Variants in WASL observed in about 807,000 individuals in gnomAD.
The protein encoded by WASL is WASP like actin nucleation promoting factor, also known as actin nucleation-promoting factor WASL.
Under a neutral mutation model 55.5 loss-of-function variants are expected in WASL, and 20 were observed. That is an observed-to-expected ratio of 0.36 (90% CI 0.25 to 0.52). The LOEUF (loss-of-function observed/expected upper bound fraction) is 0.52, where lower values mean the gene tolerates loss of function less well. Among genes scored for constraint, WASL ranks in the 20% least tolerant of loss-of-function variants. The pLI, the probability that WASL is intolerant of heterozygous loss-of-function variation, is 0.92. For missense variants in WASL, 504 were observed against 622.5 expected (o/e 0.81, Z 2.03); for synonymous variants, 249 against 217.6 (o/e 1.14, Z -1.27).
intron 5 of WASL, among the ~76,000 whole-genome samples, chr7:123,698,006 A>C (rs1008615601): frequency 6.6e-6 from 1 of 151,822 alleles, no homozygotes; most frequent in African/African-American, 2.4e-5. Context: ...TGGAGGAATT[A>C]GGTGCAACCT....
At chr7:123,716,994 T>C (rs912375267) in intron 1 of WASL, among the ~76,000 whole-genome samples, 9 of 152,176 alleles carry the variant, frequency 5.9e-5, no homozygotes, top group African/African-American at 2.2e-4. Context: ...CAGTGATTCA[T>C]CCCAATCCTA....
intron 1 of WASL, among the ~76,000 whole-genome samples, chr7:123,732,782 A>G (rs1804161558): frequency 6.6e-6 from 1 of 152,206 alleles, no homozygotes; most frequent in Admixed American, 6.5e-5. Flanking sequence ...AAGATGGAAA[A>G]AAAATCAACA....
intron 1 of WASL, among the ~76,000 whole-genome samples, chr7:123,743,158 G>A (rs1804373908): frequency 6.6e-6 from 1 of 152,064 alleles, no homozygotes; most frequent in South Asian, 2.1e-4. Context: ...CCAGCATGGT[G>A]AAACCCTGTC....
chr7:123,696,484 C>T (rs948600116), intron 6 of WASL, 95 bp downstream of exon 6: 18 of 1,298,016 alleles, frequency 1.4e-5, no homozygotes, highest in African/African-American at 1.4e-4. Flanking sequence ...CACACCCTCC[C>T]GAAAAGAGAA....
Position 123,694,405 on chromosome 7 carries a change from T to A in WASL, c.826+310A>T, listed in dbSNP as rs191057816. 1.1e-3 allele frequency among the ~76,000 whole-genome samples: 174 copies of A among 152,312 alleles called. 1 individual carries two copies. The highest frequency in any genetic ancestry group is 1.8e-3 in the Non-Finnish European group (125 of 68,004). On this transcript the variant is annotated intron_variant, in intron 8 of 10. Transcript: ENST00000223023. The stretch of plus-strand genomic sequence containing the variant: ...TTAAATTATTACTTCTGAATTACAA[T>A]AAAATCTGGTGGTTTATAGGATTCC...
chr7:123,698,088 T>G (rs1342866305), intron 5 of WASL, among the ~76,000 whole-genome samples: 1 of 152,066 alleles, frequency 6.6e-6, no homozygotes, highest in Non-Finnish European at 1.5e-5. Context: ...TCATCCCATG[T>G]GTCTTTCCCT....
Position 123,748,815 on chromosome 7 carries a change from G to C in WASL, c.-81C>G. ...AGCTCGTTCCCCCTCTCGGTGACAG[G>C]GGCGGGGAGAAGTGGAGTCAGAGGC... On this transcript the variant is annotated 5_prime_UTR_variant, in exon 1 of 11. Coordinates refer to ENST00000223023, the MANE Select transcript of WASL (RefSeq NM_003941.4). The C allele has an allele frequency of 8.0e-7, 1 of 1,244,752 alleles. No individual in the cohort carries two copies. Among genetic ancestry groups the C allele is most frequent in the Non-Finnish European group, 1.1e-6 (1 of 920,808 alleles). The allele number at this position is 1,244,752 out of a possible 1,614,324, so 77.1% of individuals were successfully genotyped here.
At position 123,726,929 on chromosome 7, in the gene WASL, T is replaced by A. The variant is rs1284094036; in HGVS notation, c.118-17706A>T. Among the ~76,000 whole-genome samples, 4 of 152,098 alleles carry A rather than the reference T, an allele frequency of 2.6e-5. No individual in the cohort carries two copies. The East Asian group carries it at 7.7e-4, about 29-fold the overall frequency. ...TGGGAGAAAATATCTGAAGTACGTA[T>A]CTCTAACAATAATCTTGTGTCCAGA... On this transcript the variant is annotated intron_variant, in intron 1 of 10. Coordinates refer to ENST00000223023, the MANE Select transcript of WASL (RefSeq NM_003941.4).
chr7:123,722,639 G>A (rs1164428048), intron 1 of WASL, among the ~76,000 whole-genome samples: 1 of 151,998 alleles, frequency 6.6e-6, no homozygotes, highest in Non-Finnish European at 1.5e-5. Flanking sequence ...CCAACATGGC[G>A]AAACCCCACG....
At chr7:123,740,512 A>G (rs1584875629) in intron 1 of WASL, among the ~76,000 whole-genome samples, 2 of 152,288 alleles carry the variant, frequency 1.3e-5, no homozygotes, top group East Asian at 3.9e-4. Context: ...AATGTCTCCT[A>G]ATTACTAAAT....
At chr7:123,718,004 T>C (rs1419077108) in intron 1 of WASL, among the ~76,000 whole-genome samples, 1 of 152,122 alleles carries the variant, frequency 6.6e-6, no homozygotes, top group African/African-American at 2.4e-5. Flanking sequence ...CTATATAAAA[T>C]ATAAAACTGT....
intron 3 of WASL, 104 bp downstream of exon 3, chr7:123,706,636 G>A (rs1359708594): frequency 2.1e-6 from 2 of 956,788 alleles, no homozygotes; most frequent in East Asian, 2.7e-5. Context: ...AAATAAAATA[G>A]CAAATTGAAT....
At chr7:123,735,096 G>A (rs1804203591) in intron 1 of WASL, among the ~76,000 whole-genome samples, 1 of 145,260 alleles carries the variant, frequency 6.9e-6, no homozygotes, top group South Asian at 2.2e-4. Flanking sequence ...AAAGAGTAGA[G>A]TGACTACAAT....
chr7:123,693,135 T>C (rs979625063), intron 8 of WASL, among the ~76,000 whole-genome samples: 65 of 152,100 alleles, frequency 4.3e-4, no homozygotes, highest in Non-Finnish European at 1.3e-4. Flanking sequence ...TAGTACCAGT[T>C]CTGAAAGTAA....
intron 1 of WASL, among the ~76,000 whole-genome samples, chr7:123,730,696 G>A (rs930129434): frequency 2.0e-5 from 3 of 152,112 alleles, no homozygotes; most frequent in South Asian, 2.1e-4. Flanking sequence ...GCCAATAATC[G>A]TATGTGAATG....
At chr7:123,720,648 G>T (rs997704369) in intron 1 of WASL, among the ~76,000 whole-genome samples, 48 of 150,202 alleles carry the variant, frequency 3.2e-4, no homozygotes, top group African/African-American at 1.0e-3. Flanking sequence ...TCACACTGTG[G>T]GATTTTTTTT....
intron 1 of WASL, among the ~76,000 whole-genome samples, chr7:123,731,588 T>C (rs894254600): frequency 1.3e-5 from 2 of 152,020 alleles, no homozygotes; most frequent in East Asian, 1.9e-4. Context: ...TTTAAAAGAA[T>C]AGAAATCACA....
chr7:123,697,119 GAAAGT>G (rs144832402), intron 5 of WASL, among the ~76,000 whole-genome samples: 14,893 of 151,948 alleles, frequency 0.098, 871 homozygotes, highest in Non-Finnish European at 0.13. Flanking sequence ...CAAGGATAAA[GAAAGT>G]AAAGTATCTA....
At chr7:123,707,918 G>C (rs1803698336) in intron 2 of WASL, among the ~76,000 whole-genome samples, 3 of 152,306 alleles carry the variant, frequency 2.0e-5, no homozygotes, top group African/African-American at 7.2e-5. Flanking sequence ...GGGACTGGTG[G>C]CTCAGGCCTG....
Sources: gnomAD v4.1 joint callset for allele counts (sites outside exome capture counted in the v4.1 genomes callset) on GRCh38, gnomAD v4.1.1 for gene constraint, MANE v1.5 for transcripts, NCBI Gene and HGNC (gene_info 2026-07-23, HGNC 2026-07-21) for gene names.